ADAMTSL1: variants seen among roughly 807,000 people sequenced by gnomAD.
ADAMTSL1 encodes the protein ADAMTS-like protein 1.
ADAMTSL1 carries 126 observed loss-of-function variants against 201.8 expected under a neutral mutation model. The ratio of observed to expected loss-of-function variants is 0.62; its 90% CI spans 0.54 to 0.72. The LOEUF (loss-of-function observed/expected upper bound fraction) is 0.72, where lower values mean the gene tolerates loss of function less well. Ranked by LOEUF, ADAMTSL1 falls within the 30% of genes least tolerant of loss-of-function variation. The pLI is 0.00. For synonymous variants in ADAMTSL1, 1,121 were observed against 903.4 expected, an observed-to-expected ratio of 1.24 and a Z score of -4.32; for missense variants, 2,679 against 2,277.8, an observed-to-expected ratio of 1.18 and a Z score of -3.59.
At chr9:18,260,853 C>G (rs1446935155) in intron 2 of ADAMTSL1, among the ~76,000 whole-genome samples, 1 of 152,120 alleles carries the variant, frequency 6.6e-6, no homozygotes, top group Non-Finnish European at 1.5e-5. Flanking sequence ...TAGCTCCCGT[C>G]TCCTGAAGTC....
At chr9:18,659,637 C>T (rs1210753266) in intron 8 of ADAMTSL1, among the ~76,000 whole-genome samples, 2 of 152,084 alleles carry the variant, frequency 1.3e-5, no homozygotes, top group African/African-American at 2.4e-5. Context: ...TGTGGTGGCG[C>T]GAGCCTGTAA....
rs73428988 is a variant in ADAMTSL1 at position 18,313,215 on chromosome 9, G to A, written c.207+149234G>A. The stretch of plus-strand genomic sequence containing the variant: ...TTCTTAGGCAATGCTGATACTGTTC[G>A]TCCTCCAGACAACTCTTTGAGAACT... On this transcript the variant is annotated intron_variant, in intron 2 of 29. Coordinates refer to the ADAMTSL1 transcript ENST00000680146. 9.2e-3 allele frequency among the ~76,000 whole-genome samples: 1,398 copies of A among 152,242 alleles called. 32 individuals are homozygous for A. The highest frequency in any genetic ancestry group is 0.032 in the African/African-American group (1,312 of 41,552).
At chr9:18,143,047 G>A (rs372978217) in intron 1 of ADAMTSL1, among the ~76,000 whole-genome samples, 8 of 152,122 alleles carry the variant, frequency 5.3e-5, no homozygotes, top group Non-Finnish European at 1.2e-4. Context: ...CAGGTCTGTC[G>A]ATGGCAGTTT....
At chr9:18,523,874 G>A (rs1417243933) in intron 2 of ADAMTSL1, among the ~76,000 whole-genome samples, 96 of 136,720 alleles carry the variant, frequency 7.0e-4, no homozygotes, top group Admixed American at 1.1e-3. Context: ...GTCAGGTAGC[G>A]TGATGCCTCC....
intron 2 of ADAMTSL1, among the ~76,000 whole-genome samples, chr9:18,320,197 A>C (rs2132848964): frequency 6.6e-6 from 1 of 152,340 alleles, no homozygotes; most frequent in African/African-American, 2.4e-5. Context: ...CTTGATTTTC[A>C]CCATGTGAGT....
intron 23 of ADAMTSL1, among the ~76,000 whole-genome samples, chr9:18,865,710 A>G (rs1827487582): frequency 6.6e-6 from 1 of 152,200 alleles, no homozygotes; most frequent in Admixed American, 6.5e-5. Context: ...TGGGGCCTAA[A>G]GACAATATTT....
chr9:18,537,016 T>C (rs1331484364), intron 3 of ADAMTSL1, among the ~76,000 whole-genome samples: 1 of 152,168 alleles, frequency 6.6e-6, no homozygotes, highest in African/African-American at 2.4e-5. Context: ...ACACTGCTTG[T>C]GGTAGCTGGT....
At chr9:18,277,385 C>T (rs1333399998) in intron 2 of ADAMTSL1, among the ~76,000 whole-genome samples, 1 of 152,076 alleles carries the variant, frequency 6.6e-6, no homozygotes, top group Non-Finnish European at 1.5e-5. Context: ...TTTCTCCCTT[C>T]AGTTCTGTTA....
chr9:18,872,310 G>A (rs1207813790), intron 23 of ADAMTSL1, among the ~76,000 whole-genome samples: 2 of 152,162 alleles, frequency 1.3e-5, no homozygotes, highest in Non-Finnish European at 2.9e-5. Context: ...AAGGGAAGAG[G>A]TTGGGATTAT....
intron 2 of ADAMTSL1, among the ~76,000 whole-genome samples, chr9:18,345,585 T>A (rs1362681110): frequency 6.6e-6 from 1 of 152,192 alleles, no homozygotes; most frequent in African/African-American, 2.4e-5. Flanking sequence ...AAGAGTATGA[T>A]GTCTTTTGTT....
chr9:18,622,705 C>A (rs969676259), intron 5 of ADAMTSL1: 4 of 431,136 alleles, frequency 9.3e-6, no homozygotes, highest in African/African-American at 8.0e-5. Flanking sequence ...GTGTGCTATG[C>A]CTGGTGGAAG....
Position 18,777,721 on chromosome 9 carries a change from C to A in ADAMTSL1, c.3492C>A (p.Pro1164=), listed in dbSNP as rs1821145968. 1 of 1,613,454 alleles carries A rather than the reference C, an allele frequency of 6.2e-7. No homozygotes were observed. Among genetic ancestry groups the A allele is most frequent in the African/African-American group, 1.3e-5 (1 of 74,940 alleles). Residue 1164 remains proline, a synonymous_variant, in exon 19 of 29, where the codon CCC becomes CCA. Coordinates refer to ENST00000380548, the MANE Select transcript of ADAMTSL1 (RefSeq NM_001040272.6). ...GCTCTCGAAGGCCACACCGCAAGCCCACCATCCTGCGCAAGATCTCAGCGG... is the reference window on the plus strand; with the variant it reads ...GCTCTCGAAGGCCACACCGCAAGCCAACCATCCTGCGCAAGATCTCAGCGG... ...GGGSRRPHRK[P]TILRKISAAQ...
intron 1 of ADAMTSL1, among the ~76,000 whole-genome samples, chr9:18,015,382 A>G (rs1820214731): frequency 6.6e-6 from 1 of 152,092 alleles, no homozygotes; most frequent in Non-Finnish European, 1.5e-5. Flanking sequence ...GTTAAAATTT[A>G]GCCTCTAGCT....
At chr9:18,034,957 A>G (rs1217975739) in intron 1 of ADAMTSL1, among the ~76,000 whole-genome samples, 6 of 152,082 alleles carry the variant, frequency 3.9e-5, no homozygotes, top group Non-Finnish European at 7.4e-5. Flanking sequence ...TTCCTTTGCT[A>G]TGATATCTAG....
intron 1 of ADAMTSL1, among the ~76,000 whole-genome samples, chr9:17,980,383 TG>T (rs1818638702): frequency 6.6e-6 from 1 of 152,114 alleles, no homozygotes; most frequent in African/African-American, 2.4e-5. Flanking sequence ...CATTTTGGTC[TG>T]TTTTTTTTTC....
intron 1 of ADAMTSL1, among the ~76,000 whole-genome samples, chr9:18,481,092 C>CA (rs1366645792): frequency 6.6e-6 from 1 of 152,216 alleles, no homozygotes; most frequent in East Asian, 1.9e-4. Flanking sequence ...GTCAGAAAAT[C>CA]AGAGTGAACA....
In ADAMTSL1 at chr9:18,657,892, G is replaced by C. The variant is rs548884115; in HGVS notation, c.946+142G>C. 1.0e-4 allele frequency: 69 copies of C among 661,322 alleles called. No homozygotes were observed. In the South Asian group the frequency reaches 1.3e-3, roughly 12 times the overall value. 41.0% of individuals were successfully genotyped at this position (661,322 alleles called of 1,614,324 possible). A position where few individuals can be genotyped will look rare whatever the true frequency, so the allele number is the denominator to read the frequency against. The stretch of plus-strand genomic sequence containing the variant: ...TTTCTTCTGAACAGAGTGGAATCTC[G>C]AGGCCCTCCTGTAAGGCAGATACCT... On this transcript the variant is annotated intron_variant, in intron 8 of 28. Coordinates refer to ENST00000380548, the MANE Select transcript of ADAMTSL1 (RefSeq NM_001040272.6).
intron 2 of ADAMTSL1, among the ~76,000 whole-genome samples, chr9:18,172,317 C>T (rs1827935442): frequency 6.6e-6 from 1 of 151,796 alleles, no homozygotes; most frequent in African/African-American, 2.4e-5. Flanking sequence ...AAAAGATGAA[C>T]AGCCCAATAG....
In ADAMTSL1 at chr9:18,152,137, T is replaced by C. The variant is rs75948678; in HGVS notation, c.88-11725T>C. Reference sequence around the variant, plus strand: ...TGAAGGACCTAAGATTCAGTTTCAGTAATTTACTCAAAGCACACAGCAGAG... The same window carrying C: ...TGAAGGACCTAAGATTCAGTTTCAGCAATTTACTCAAAGCACACAGCAGAG... On this transcript the variant is annotated intron_variant, in intron 1 of 29. Transcript: ENST00000680146. Among the ~76,000 whole-genome samples, 787 of 152,206 alleles carry C rather than the reference T, an allele frequency of 5.2e-3. 12 individuals carry two copies. Among genetic ancestry groups the C allele is most frequent in the African/African-American group, 0.018 (739 of 41,562 alleles).
Sources: gnomAD v4.1 joint callset for allele counts (sites outside exome capture counted in the v4.1 genomes callset) on GRCh38, gnomAD v4.1.1 for gene constraint, MANE v1.5 for transcripts, NCBI Gene and HGNC (gene_info 2026-07-23, HGNC 2026-07-21) for gene names.